Variants in ATF7IP observed in about 807,000 individuals in gnomAD.
The protein encoded by ATF7IP is activating transcription factor 7-interacting protein 1.
Under a neutral mutation model 106.4 loss-of-function variants are expected in ATF7IP, and 23 were observed. The ratio of observed to expected loss-of-function variants is 0.22; its 90% confidence interval spans 0.16 to 0.31. The LOEUF (loss-of-function observed/expected upper bound fraction) is 0.31. ATF7IP is among the 10% of genes least tolerant of loss of function. The pLI is 1.00. For missense variants in ATF7IP, 1,334 were observed against 1,524.3 expected, an observed-to-expected ratio of 0.88 and a Z score of 2.08; for synonymous variants, 542 against 539.0, an observed-to-expected ratio of 1.01 and a Z score of -0.08.
intron 1 of ATF7IP, among the ~76,000 whole-genome samples, chr12:14,389,231 C>T (rs1393160387): frequency 2.0e-5 from 3 of 152,168 alleles, no homozygotes; most frequent in Non-Finnish European, 4.4e-5. Context: ...TGCTAAGTAA[C>T]ATCATATCCA....
At chr12:14,389,688 C>T (rs1355573019) in intron 1 of ATF7IP, among the ~76,000 whole-genome samples, 6 of 152,060 alleles carry the variant, frequency 3.9e-5, no homozygotes, top group African/African-American at 4.8e-5. Flanking sequence ...AGTGCAATGG[C>T]GCGATCTCGG....
At chr12:14,408,347 CTAGCA>C (rs746285698) in intron 1 of ATF7IP, 1 of 152,052 alleles carries the variant, frequency 6.6e-6, no homozygotes, top group Non-Finnish European at 1.5e-5. Flanking sequence ...AAGATTCCTG[CTAGCA>C]TATTGTTTCT....
At chr12:14,492,800 G>T (rs34263906) in intron 13 of ATF7IP, among the ~76,000 whole-genome samples, 23 of 152,264 alleles carry the variant, frequency 1.5e-4, no homozygotes, top group Middle Eastern at 3.4e-3. Context: ...TATTTCCATT[G>T]TATTTAAATT....
intron 13 of ATF7IP, 44 bp downstream of exon 13, chr12:14,481,229 C>G (rs1944418450): frequency 6.2e-7 from 1 of 1,601,288 alleles, no homozygotes; most frequent in African/African-American, 1.3e-5. Flanking sequence ...ACATGTAGTT[C>G]TCTTCAGCAT....
intron 11 of ATF7IP, among the ~76,000 whole-genome samples, chr12:14,477,754 G>A (rs1005614772): frequency 6.6e-6 from 1 of 152,096 alleles, no homozygotes; most frequent in African/African-American, 2.4e-5. Flanking sequence ...GGACTTTTGG[G>A]TCACAATCTT....
chr12:14,418,293 C>G (rs1227782963), intron 1 of ATF7IP, among the ~76,000 whole-genome samples: 3 of 152,038 alleles, frequency 2.0e-5, no homozygotes, highest in East Asian at 1.9e-4. Flanking sequence ...TATTTTGACT[C>G]TCATCCTCAT....
rs774984681 is a variant in ATF7IP, at chr12:14,423,946, G to A, written c.31G>A (p.Val11Ile). Residue 11 changes from valine to isoleucine, a missense_variant, in exon 2 of 15, where the codon GTC (valine) becomes ATC (isoleucine). Around this residue, in one of 10 missense-constraint regions of ATF7IP, gnomAD observed 74 missense variants for 101.9 expected, o/e 0.73. Coordinates refer to ENST00000261168, the MANE Select transcript of ATF7IP (RefSeq NM_018179.5). The part of the protein sequence containing the change: MDSLEEPQKK[V>I]FKARKTMRVS... ...CAGTTTAGAAGAACCTCAGAAAAAA[G>A]TCTTTAAGGCTCGAAAAACGATGAG... 1 of 1,608,882 alleles carries A rather than the reference G, an allele frequency of 6.2e-7. No homozygotes were observed.
At chr12:14,414,511 T>C (rs1266073125) in intron 1 of ATF7IP, among the ~76,000 whole-genome samples, 1 of 152,238 alleles carries the variant, frequency 6.6e-6, no homozygotes, top group Non-Finnish European at 1.5e-5. Flanking sequence ...ATTTTATGTG[T>C]GACCCAAGAC....
intron 1 of ATF7IP, among the ~76,000 whole-genome samples, chr12:14,423,096 T>G (rs1333933868): frequency 1.3e-5 from 2 of 152,146 alleles, no homozygotes; most frequent in African/African-American, 4.8e-5. Context: ...GTGTGTGCAG[T>G]GTTATTTCAT....
intron 5 of ATF7IP, 22 bp from the exon 6 acceptor site, chr12:14,446,966 T>TTG: frequency 6.8e-7 from 1 of 1,470,016 alleles, no homozygotes; most frequent in East Asian, 2.4e-5. Flanking sequence ...CCATTCATTT[T>TTG]TGTCTTTTTT....
chr12:14,373,443 A>C (rs912538738), intron 1 of ATF7IP, among the ~76,000 whole-genome samples: 1 of 152,198 alleles, frequency 6.6e-6, no homozygotes, highest in African/African-American at 2.4e-5. Flanking sequence ...GGAAGAAAGA[A>C]CAATGGGAGT....
chr12:14,373,413 G>A (rs1938609007), intron 1 of ATF7IP, among the ~76,000 whole-genome samples: 1 of 152,152 alleles, frequency 6.6e-6, no homozygotes, highest in East Asian at 1.9e-4. Flanking sequence ...TTACTCTCTA[G>A]TTTTACTAGC....
chr12:14,401,105 G>A (rs145581579), intron 1 of ATF7IP, among the ~76,000 whole-genome samples: 53 of 151,984 alleles, frequency 3.5e-4, no homozygotes, highest in African/African-American at 1.3e-3. Flanking sequence ...ATTATTTTAT[G>A]TCTAGTGTCT....
chr12:14,386,742 C>T (rs1393225647), intron 1 of ATF7IP, among the ~76,000 whole-genome samples: 2 of 152,046 alleles, frequency 1.3e-5, no homozygotes, highest in African/African-American at 2.4e-5. Flanking sequence ...GAAACGAGAT[C>T]GTACATGACA....
chr12:14,424,607 C>G lies in ATF7IP; in HGVS notation c.692C>G (p.Ser231Cys), dbSNP rs755809116. The G allele has an allele frequency of 2.5e-6, 4 of 1,614,156 alleles. No individual in the cohort carries two copies. Residue 231 changes from serine to cysteine, a missense_variant, in exon 2 of 15, where the codon TCT becomes TGT. This residue lies in a region of ATF7IP where 438 missense variants were observed against 405.3 expected (regional missense o/e 1.08). Transcript: ENST00000261168. Reference sequence around the variant, plus strand: ...GATTGTGCCGCTGATGATATAGCCTCTAGTGAAATAACTTCTGTTGATCTG... The same window carrying G: ...GATTGTGCCGCTGATGATATAGCCTGTAGTGAAATAACTTCTGTTGATCTG... The part of the protein sequence containing the change: ...SGDCAADDIA[S>C]SEITSVDLAS...
At chr12:14,459,003 A>T (rs1037713027) in intron 8 of ATF7IP, among the ~76,000 whole-genome samples, 1 of 152,154 alleles carries the variant, frequency 6.6e-6, no homozygotes, top group Non-Finnish European at 1.5e-5. Context: ...CTACTCAGAG[A>T]AGTATTTTAA....
At chr12:14,429,559 T>C (rs1942023356) in intron 2 of ATF7IP, among the ~76,000 whole-genome samples, 1 of 152,196 alleles carries the variant, frequency 6.6e-6, no homozygotes, top group African/African-American at 2.4e-5. Context: ...CCCTTGTTCA[T>C]TGGATCTTTA....
intron 1 of ATF7IP, among the ~76,000 whole-genome samples, chr12:14,417,759 A>T (rs1941278369): frequency 6.6e-6 from 1 of 152,150 alleles, no homozygotes; most frequent in Non-Finnish European, 1.5e-5. Context: ...TTAGGGTTTT[A>T]TGTAAACTGT....
chr12:14,420,658 A>G (rs374989082), intron 1 of ATF7IP, among the ~76,000 whole-genome samples: 3 of 152,102 alleles, frequency 2.0e-5, no homozygotes, highest in Non-Finnish European at 4.4e-5. Flanking sequence ...AGAAATAGCC[A>G]TCACTCATTT....
Sources: gnomAD v4.1 joint callset for allele counts (sites outside exome capture counted in the v4.1 genomes callset) on GRCh38, gnomAD v4.1.1 for gene constraint, gnomAD v4.1.1 regional missense constraint, MANE v1.5 for transcripts, NCBI Gene and HGNC (gene_info 2026-07-23, HGNC 2026-07-21) for gene names.